The following FAP variants were observed in gnomAD, a reference collection of about 807,000 sequenced individuals.
The protein encoded by FAP is fibroblast activation protein alpha.
A neutral mutation model predicts 126.5 loss-of-function variants in FAP; 110 were observed. That is an observed-to-expected ratio of 0.87 (90% CI 0.74 to 1.02). The LOEUF (loss-of-function observed/expected upper bound fraction) is 1.02, where lower values mean the gene tolerates loss of function less well. FAP is among the 50% of genes least tolerant of loss of function. The pLI is 0.00. For synonymous variants in FAP, 334 were observed against 297.3 expected, an observed-to-expected ratio of 1.12 and a Z score of -1.27; for missense variants, 919 against 909.2, an observed-to-expected ratio of 1.01 and a Z score of -0.14.
chr2:162,236,426 C>A (rs1690131837), intron 2 of FAP, among the ~76,000 whole-genome samples: 1 of 148,938 alleles, frequency 6.7e-6, no homozygotes, highest in Non-Finnish European at 1.5e-5. Flanking sequence ...GCCATCTGAG[C>A]TTAGGAAGTT....
At chr2:162,173,090 T>C in intron 24 of FAP, 59 bp downstream of exon 24, 2 of 1,505,684 alleles carry the variant, frequency 1.3e-6, no homozygotes, top group South Asian at 2.3e-5. Flanking sequence ...TTAATGTTTC[T>C]TAAACAAAGT....
At chr2:162,225,691 G>T in intron 3 of FAP, 114 bp from the exon 4 acceptor site, 2 of 1,039,976 alleles carry the variant, frequency 1.9e-6, no homozygotes, top group Non-Finnish European at 2.6e-6. Context: ...TCTCTGTCCA[G>T]TACATATTGC....
chr2:162,205,673 C>A (rs1470270865), intron 12 of FAP, among the ~76,000 whole-genome samples: 2 of 152,122 alleles, frequency 1.3e-5, no homozygotes, highest in Non-Finnish European at 2.9e-5. Flanking sequence ...ACCACCACCC[C>A]CGGCTAGTTT....
chr2:162,208,485 G>C (rs10201796), intron 12 of FAP, among the ~76,000 whole-genome samples: 3 of 152,016 alleles, frequency 2.0e-5, no homozygotes, highest in Non-Finnish European at 4.4e-5. Context: ...TCTTTGAAAG[G>C]GTTGTTGGTA....
chr2:162,215,486 C>T (rs1459757019), intron 10 of FAP, among the ~76,000 whole-genome samples: 2 of 152,168 alleles, frequency 1.3e-5, no homozygotes, highest in Non-Finnish European at 1.5e-5. Context: ...TAGCCTGCTT[C>T]ATTGTGAAAA....
In FAP at chr2:162,174,162, T is replaced by TA. The variant is rs141157459; in HGVS notation, c.1970-376dup. Among the ~76,000 whole-genome samples, 97 of 152,290 alleles carry TA rather than the reference T, an allele frequency of 6.4e-4. 1 individual carries two copies. Among genetic ancestry groups the TA allele is most frequent in the African/African-American group, 2.2e-3 (93 of 41,574 alleles). ...CAAATCCAGCCATCTTTAGGACTTT[T>TA]ACTGGTGTCTTATTTCATCTGGGAT... is the stretch of plus-strand genomic sequence containing the variant. On this transcript the variant is annotated intron_variant, in intron 22 of 25. Transcript: ENST00000188790.
intron 2 of FAP, among the ~76,000 whole-genome samples, chr2:162,227,750 T>C (rs13415310): frequency 8.5e-4 from 129 of 152,274 alleles, no homozygotes; most frequent in African/African-American, 3.0e-3. Context: ...CCAGCTCTTC[T>C]TGCTCCTCTC....
intron 2 of FAP, among the ~76,000 whole-genome samples, chr2:162,233,637 AT>A (rs1192164961): frequency 3.3e-5 from 5 of 152,022 alleles, no homozygotes; most frequent in African/African-American, 1.2e-4. Context: ...TCGAATATAT[AT>A]TTGCAAATAT....
At position 162,219,889 on chromosome 2, in the gene FAP, A is replaced by C; in HGVS notation, c.450T>G (p.Ile150Met). 1.2e-6 allele frequency: 2 copies of C among 1,612,928 alleles called. No individual in the cohort carries two copies. Among genetic ancestry groups the C allele is most frequent in the Non-Finnish European group, 1.7e-6 (2 of 1,179,044 alleles). The change falls in exon 7 of 26, where the codon ATT (isoleucine) becomes ATG (methionine). Residue 150 changes from isoleucine to methionine, a missense_variant. Physicochemically the swap from Ile to Met is conservative, Grantham distance 10 (BLOSUM62 1). Transcript: ENST00000188790. Reference protein sequence around the residue: ...FVRGNELPRPIQYLCWSPVGS... With the variant: ...FVRGNELPRPMQYLCWSPVGS... ...CAACAGGCGACCAGCATAAATACTG[A>C]ATTGGACGAGGAAGCTCATTTCCTC...
rs1576182264 is a variant in FAP at position 162,219,258 on chromosome 2, A to G, written c.487-75T>C. 2.2e-6 allele frequency: 3 copies of G among 1,387,932 alleles called. No homozygotes were observed. The East Asian group carries it at 7.1e-5, about 33-fold the overall frequency. 86.0% of individuals were successfully genotyped at this position (1,387,932 alleles called of 1,614,324 possible). On this transcript the variant is annotated intron_variant, in intron 7 of 25. Transcript: ENST00000188790. ...TATATTTGTTTTAATTATTCCTCTA[A>G]TACCTTTAAACAGAGTGGTAATAAA...
intron 2 of FAP, among the ~76,000 whole-genome samples, chr2:162,232,546 T>C (rs896628411): frequency 3.3e-5 from 5 of 152,188 alleles, no homozygotes; most frequent in African/African-American, 9.7e-5. Context: ...TGAGGCAATT[T>C]GAGCTTTTTC....
intron 16 of FAP, among the ~76,000 whole-genome samples, chr2:162,195,435 G>A (rs1225493333): frequency 6.6e-6 from 1 of 151,902 alleles, no homozygotes; most frequent in Non-Finnish European, 1.5e-5. Context: ...CAACAAGGCT[G>A]ACTTTTACCC....
intron 2 of FAP, among the ~76,000 whole-genome samples, chr2:162,241,184 A>G (rs1690330522): frequency 6.6e-6 from 1 of 152,186 alleles, no homozygotes; most frequent in Non-Finnish European, 1.5e-5. Context: ...TTCACTGAGT[A>G]CTTGAGTTTA....
rs1384887498 is a variant in FAP at position 162,198,885 on chromosome 2, G to A, written c.1278-4C>T. The A allele has an allele frequency of 2.5e-6, 4 of 1,613,108 alleles. No individual in the cohort carries two copies. Among genetic ancestry groups the A allele is most frequent in the Non-Finnish European group, 2.5e-6 (3 of 1,179,354 alleles). ...AGGATAGCTTCCAATGCTAATTCTA[G>A]AGGGAAATGAAAATAAAACTAAGCT... On this transcript the variant is annotated splice_polypyrimidine_tract_variant and splice_region_variant and intron_variant, in intron 15 of 25. Coordinates refer to ENST00000188790, the MANE Select transcript of FAP (RefSeq NM_004460.5).
At chr2:162,172,683 C>T in intron 25 of FAP, 128 bp downstream of exon 25, 2 of 632,690 alleles carry the variant, frequency 3.2e-6, no homozygotes, top group South Asian at 4.1e-5. Flanking sequence ...TGCTAATGTT[C>T]TGCCTACTCT....
At chr2:162,182,817 C>A (rs886927918) in intron 21 of FAP, among the ~76,000 whole-genome samples, 1 of 152,186 alleles carries the variant, frequency 6.6e-6, no homozygotes, top group African/African-American at 2.4e-5. Context: ...TTGCCACTTT[C>A]TTTAAATGTG....
intron 5 of FAP, 134 bp downstream of exon 5, chr2:162,224,332 C>A (rs1689540318): frequency 3.4e-6 from 2 of 593,812 alleles, no homozygotes; most frequent in Non-Finnish European, 6.0e-6. Flanking sequence ...ACATATCATG[C>A]TGAAGATTAT....
chr2:162,198,859 G>A lies in FAP; in HGVS notation c.1300C>T (p.Pro434Ser). Reference protein sequence around the residue: ...IYRISIGSYPPSKKCVTCHLR... With the variant: ...IYRISIGSYPSSKKCVTCHLR... ...TGGCAAGTAACACACTTCTTGCTTGGAGGATAGCTTCCAATGCTAATTCTA... is the reference window on the plus strand; with the variant it reads ...TGGCAAGTAACACACTTCTTGCTTGAAGGATAGCTTCCAATGCTAATTCTA... The change falls in exon 16 of 26, where the codon CCA becomes TCA. Residue 434 changes from proline (P) to serine (S), a missense_variant. By Grantham distance (74) the Pro-to-Ser change is moderately conservative. Transcript: ENST00000188790. 2 of 1,613,726 alleles carry A rather than the reference G, an allele frequency of 1.2e-6. No individual in the cohort carries two copies. The highest frequency in any genetic ancestry group is 8.5e-7 in the Non-Finnish European group (1 of 1,179,664).
Position 162,218,088 on chromosome 2 carries a change from A to C in FAP, c.660T>G (p.Phe220Leu). ...YALWWSPNGK[F>L]LAYAEFNDTD... ...TATCATTAAATTCCGCATATGCCAA[A>C]AATTTTCCATTAGGAGACCACCAGA... The change falls in exon 9 of 26, where the codon TTT (phenylalanine) becomes TTG (leucine). Residue 220 changes from phenylalanine (F) to leucine (L), a missense_variant. By Grantham distance (22) the Phe-to-Leu change is conservative. Coordinates refer to ENST00000188790, the MANE Select transcript of FAP (RefSeq NM_004460.5). 1 of 1,609,764 alleles carries C rather than the reference A, an allele frequency of 6.2e-7. No homozygotes were observed. Among genetic ancestry groups the C allele is most frequent in the East Asian group, 2.2e-5 (1 of 44,554 alleles).
Sources: allele counts gnomAD v4.1 joint callset (sites outside exome capture counted in the v4.1 genomes callset), GRCh38; gene constraint gnomAD v4.1.1; transcripts MANE v1.5; gene names NCBI Gene and HGNC (gene_info 2026-07-23, HGNC 2026-07-21).